Variants in KLHL40 observed in about 807,000 individuals in gnomAD.
The protein encoded by KLHL40 is kelch-like protein 40.
In KLHL40, 44 loss-of-function variants were observed where a neutral mutation model predicts 49.7. The ratio of observed to expected loss-of-function variants is 0.89; its 90% CI spans 0.70 to 1.14. KLHL40 has a LOEUF of 1.14. Ranked by LOEUF, KLHL40 falls within the 50% of genes most tolerant of loss-of-function variation. The pLI is 0.00. For synonymous variants in KLHL40, 409 were observed against 365.2 expected, an observed-to-expected ratio of 1.12 and a Z score of -1.37; for missense variants, 892 against 850.3, an observed-to-expected ratio of 1.05 and a Z score of -0.61.
At chr3:42,687,121 C>T (rs549151540) in intron 1 of KLHL40, among the ~76,000 whole-genome samples, 87 of 152,278 alleles carry the variant, frequency 5.7e-4, no homozygotes, top group African/African-American at 1.8e-3. Flanking sequence ...AGGCCAGGCC[C>T]GGAGCTCACA....
intron 4 of KLHL40, among the ~76,000 whole-genome samples, chr3:42,689,600 G>T (rs1028964641): frequency 1.3e-5 from 2 of 152,060 alleles, no homozygotes; most frequent in Admixed American, 1.3e-4. Context: ...GAGAGGGACT[G>T]TATCTCATCT....
rs375270697 is a variant in KLHL40 at position 42,688,924 on chromosome 3, C to T, written c.1477C>T (p.Leu493=). 4 of 1,614,184 alleles carry T rather than the reference C, an allele frequency of 2.5e-6. No homozygotes were observed. The South Asian group carries it at 3.3e-5, about 13-fold the overall frequency. ...YDPKKFEWKE[L]APMQTARSLF... Reference sequence around the variant, plus strand: ...CCCCAAGAAGTTTGAGTGGAAGGAGCTGGCACCCATGCAGACCGCCCGCTC... The same window carrying T: ...CCCCAAGAAGTTTGAGTGGAAGGAGTTGGCACCCATGCAGACCGCCCGCTC... The change falls in exon 4 of 6, where the codon CTG becomes TTG. Residue 493 remains leucine (L), a synonymous_variant. Coordinates refer to ENST00000287777, the MANE Select transcript of KLHL40 (RefSeq NM_152393.4). This position sits in a 1 kb window ranked among gnomAD's most constrained non-coding sequence, Gnocchi z 4.2.
Position 42,686,395 on chromosome 3 carries a change from T to C in KLHL40, c.777T>C (p.Asp259=), listed in dbSNP as rs1697274593. 6.2e-7 allele frequency: 1 copy of C among 1,613,256 alleles called. No individual in the cohort carries two copies. Among genetic ancestry groups the C allele is most frequent in the South Asian group, 1.1e-5 (1 of 91,078 alleles). Residue 259 remains aspartate, a synonymous_variant, in exon 1 of 6, where the codon GAT becomes GAC. Transcript: ENST00000287777. The part of the protein sequence containing the change: ...ELLRKVQMVK[D]AHEGRITTLR... The stretch of plus-strand genomic sequence containing the variant: ...TGCGCAAGGTGCAGATGGTGAAGGA[T>C]GCACACGAGGGCCGCATCACCACGC...
At position 42,688,123 on chromosome 3, in the gene KLHL40, C is replaced by G; in HGVS notation, c.1153-19C>G. Reference sequence around the variant, plus strand: ...TGGGGGAGTGGGGGGCGGTAGCTGACTGGACACCTGGCCTGCAGTTTGACC... The same window carrying G: ...TGGGGGAGTGGGGGGCGGTAGCTGAGTGGACACCTGGCCTGCAGTTTGACC... On this transcript the variant is annotated intron_variant, in intron 1 of 5. Coordinates refer to ENST00000287777, the MANE Select transcript of KLHL40 (RefSeq NM_152393.4). The surrounding 1 kb of genome is among the most constrained non-coding windows in gnomAD (Gnocchi z 4.2). The G allele has an allele frequency of 6.2e-7, 1 of 1,613,586 alleles. No homozygotes were observed. Among genetic ancestry groups the G allele is most frequent in the South Asian group, 1.1e-5 (1 of 91,066 alleles).
At chr3:42,689,137 C>T (rs1027756606) in intron 4 of KLHL40, 83 bp downstream of exon 4, 1 of 1,211,712 alleles carries the variant, frequency 8.3e-7, no homozygotes, top group African/African-American at 1.5e-5. Flanking sequence ...CAGTCCCTGT[C>T]TTGGGTCTCC....
At position 42,689,048 on chromosome 3, in the gene KLHL40, A is replaced by G. The variant is rs1697322389; in HGVS notation, c.1601A>G (p.Asp534Gly). 6.2e-7 allele frequency: 1 copy of G among 1,609,872 alleles called. No individual in the cohort carries two copies. The highest frequency in any genetic ancestry group is 8.5e-7 in the Non-Finnish European group (1 of 1,176,878). Residue 534 changes from aspartate to glycine, a missense_variant, in exon 4 of 6, where the codon GAC becomes GGC. Coordinates refer to ENST00000287777, the MANE Select transcript of KLHL40 (RefSeq NM_152393.4). ...TSSAEVYSIT[D>G]NKWAPFEAFP... ...TCTGCCGAAGTGTACAGCATCACAG[A>G]CAACAAGTATGAAAGCTTGTCCCTT...
At chr3:42,687,270 C>T (rs1175242180) in intron 1 of KLHL40, among the ~76,000 whole-genome samples, 2 of 152,184 alleles carry the variant, frequency 1.3e-5, no homozygotes, top group Non-Finnish European at 2.9e-5. Flanking sequence ...AGGGCAGAGA[C>T]AGTTTCCTGG....
At position 42,688,198 on chromosome 3, in the gene KLHL40, C is replaced by T. The variant is rs1281456682; in HGVS notation, c.1209C>T (p.Cys403=). 4 of 1,613,946 alleles carry T rather than the reference C, an allele frequency of 2.5e-6. No homozygotes were observed. Among genetic ancestry groups the T allele is most frequent in the Middle Eastern group, 1.6e-4 (1 of 6,062 alleles). ...TGCCACCGCTGCCCTCGCCCCGCTG[C>T]CTCTTTGGCCTGGGAGAAGCTCTCA... is the stretch of plus-strand genomic sequence containing the variant. ...LGMPPLPSPR[C]LFGLGEALNS... The change falls in exon 2 of 6, where the codon TGC becomes TGT. Residue 403 remains cysteine, a synonymous_variant. Coordinates refer to ENST00000287777, the MANE Select transcript of KLHL40 (RefSeq NM_152393.4). The surrounding 1 kb of genome is among the most constrained non-coding windows in gnomAD (Gnocchi z 4.2).
chr3:42,688,547 A>C lies in KLHL40; in HGVS notation c.1314-63A>C. On this transcript the variant is annotated intron_variant, in intron 2 of 5. Transcript: ENST00000287777. This position sits in a 1 kb window ranked among gnomAD's most constrained non-coding sequence, Gnocchi z 4.2. The stretch of plus-strand genomic sequence containing the variant: ...TAGGTGGATGGGCGGATGGGTGCAG[A>C]GACAGGGACTGAGCCGAGCCTGGAT... 1 of 1,251,716 alleles carries C rather than the reference A, an allele frequency of 8.0e-7. No individual in the cohort carries two copies. Among genetic ancestry groups the C allele is most frequent in the South Asian group, 1.2e-5 (1 of 82,014 alleles). The allele number at this position is 1,251,716 out of a possible 1,614,324, so 77.5% of individuals were successfully genotyped here.
chr3:42,688,807 T>C lies in KLHL40; in HGVS notation c.1422-62T>C, dbSNP rs373661932. 215 of 1,584,836 alleles carry C rather than the reference T, an allele frequency of 1.4e-4. 1 individual carries two copies. The East Asian group carries it at 3.7e-3, about 27-fold the overall frequency. On this transcript the variant is annotated intron_variant, in intron 3 of 5. Transcript: ENST00000287777. The surrounding 1 kb of genome is among the most constrained non-coding windows in gnomAD (Gnocchi z 4.2). Reference sequence around the variant, plus strand: ...TTGTCCTGGCTGCCCCGGCAGGTGATTGCAGGGAGGCGTGGCTGGGCTCCT... The same window carrying C: ...TTGTCCTGGCTGCCCCGGCAGGTGACTGCAGGGAGGCGTGGCTGGGCTCCT...
In KLHL40 at chr3:42,688,890, C is replaced by T. The variant is rs749572631; in HGVS notation, c.1443C>T (p.Cys481=). Residue 481 remains cysteine (C), a synonymous_variant, in exon 4 of 6, where the codon TGC becomes TGT. Transcript: ENST00000287777. The surrounding 1 kb of genome is among the most constrained non-coding windows in gnomAD (Gnocchi z 4.2). ...ACAGGAAGTGCCTGAACAAGATGTG[C>T]GTCTATGACCCCAAGAAGTTTGAGT... ...GSDRKCLNKM[C]VYDPKKFEWK... The T allele has an allele frequency of 2.9e-5, 46 of 1,613,868 alleles. No individual in the cohort carries two copies. The South Asian group carries it at 4.3e-4, about 15-fold the overall frequency.
chr3:42,686,262 G>C lies in KLHL40; in HGVS notation c.644G>C (p.Arg215Pro). ...GCCGAGGCGCAGGCTGAGCGCCAGC[G>C]CGCGCTGCCCACCGTCTTCGAGAGC... ...GDAEAQAERQ[R>P]ALPTVFESVR... The change falls in exon 1 of 6, where the codon CGC becomes CCC. Residue 215 changes from arginine to proline, a missense_variant. Coordinates refer to ENST00000287777, the MANE Select transcript of KLHL40 (RefSeq NM_152393.4). 1 of 1,556,540 alleles carries C rather than the reference G, an allele frequency of 6.4e-7. No homozygotes were observed. The highest frequency in any genetic ancestry group is 8.7e-7 in the Non-Finnish European group (1 of 1,151,812).
In KLHL40 at chr3:42,688,331, C is replaced by T; in HGVS notation, c.1313+29C>T. The T allele has an allele frequency of 6.2e-7, 1 of 1,612,082 alleles. No homozygotes were observed. ...AGCATGGCTGGGGTGGGGCTGAGCT[C>T]CGTGGGGGTGAGTGGGGCATGGAGG... On this transcript the variant is annotated intron_variant, in intron 2 of 5. Transcript: ENST00000287777. The surrounding 1 kb of genome is among the most constrained non-coding windows in gnomAD (Gnocchi z 4.2).
chr3:42,691,847 T>C (rs934431858), intron 5 of KLHL40, 35 bp from the exon 6 acceptor site: 1 of 1,389,876 alleles, frequency 7.2e-7, no homozygotes, highest in Middle Eastern at 1.8e-4. Flanking sequence ...CTGACCAAGC[T>C]CTCCATCCTT....
Position 42,692,386 on chromosome 3 carries a change from T to C in KLHL40, c.*393T>C. The stretch of plus-strand genomic sequence containing the variant: ...AAGTGCAGTGTACAGTGCAGATATG[T>C]CTCCTTCTTTAGGAAGAATAAAGTG... On this transcript the variant is annotated 3_prime_UTR_variant, in exon 6 of 6. Coordinates refer to ENST00000287777, the MANE Select transcript of KLHL40 (RefSeq NM_152393.4). 2.5e-6 allele frequency: 1 copy of C among 403,232 alleles called. No individual in the cohort carries two copies. Among genetic ancestry groups the C allele is most frequent in the Non-Finnish European group, 4.6e-6 (1 of 218,620 alleles). 25.0% of individuals were successfully genotyped at this position (403,232 alleles called of 1,614,324 possible).
chr3:42,686,141 G>C lies in KLHL40; in HGVS notation c.523G>C (p.Asp175His). The C allele has an allele frequency of 6.3e-7, 1 of 1,597,154 alleles. No individual in the cohort carries two copies. The highest frequency in any genetic ancestry group is 8.5e-7 in the Non-Finnish European group (1 of 1,177,242). The change falls in exon 1 of 6, where the codon GAC becomes CAC. Residue 175 changes from aspartate (D) to histidine (H), a missense_variant. Physicochemically the swap from Asp to His is moderately conservative, Grantham distance 81. Coordinates refer to ENST00000287777, the MANE Select transcript of KLHL40 (RefSeq NM_152393.4). ...CGCTGACTTCCTCGGACTCTCGGCC[G>C]ACGAGCTCATCGCCATCATCTCCAG... ...RDADFLGLSA[D>H]ELIAIISSDG...
chr3:42,688,641 C>T lies in KLHL40; in HGVS notation c.1345C>T (p.Pro449Ser), dbSNP rs1194342086. The change falls in exon 3 of 6, where the codon CCT becomes TCT. Residue 449 changes from proline to serine, a missense_variant. Pro to Ser is a moderately conservative substitution (Grantham distance 74). Transcript: ENST00000287777. The surrounding 1 kb of genome is among the most constrained non-coding windows in gnomAD (Gnocchi z 4.2). Reference protein sequence around the residue: ...SFKWGESDPLPYVVYGHTVLS... With the variant: ...SFKWGESDPLSYVVYGHTVLS... ...CAAATGGGGTGAATCGGACCCGCTG[C>T]CTTACGTGGTGTATGGCCACACAGT... 1.5e-5 allele frequency: 24 copies of T among 1,613,894 alleles called. No homozygotes were observed. Among genetic ancestry groups the T allele is most frequent in the Non-Finnish European group, 1.7e-5 (20 of 1,180,014 alleles).
intron 4 of KLHL40, 91 bp downstream of exon 4, chr3:42,689,145 T>A: frequency 8.8e-7 from 1 of 1,132,860 alleles, no homozygotes; most frequent in Non-Finnish European, 1.3e-6. Flanking sequence ...GTCTTGGGTC[T>A]CCAGTGTTGA....
Position 42,686,268 on chromosome 3 carries a change from T to G in KLHL40, c.650T>G (p.Leu217Arg). The change falls in exon 1 of 6, where the codon CTG (leucine) becomes CGG (arginine). Residue 217 changes from leucine to arginine, a missense_variant. Leu to Arg is a moderately radical substitution (Grantham distance 102). Coordinates refer to ENST00000287777, the MANE Select transcript of KLHL40 (RefSeq NM_152393.4). ...GCGCAGGCTGAGCGCCAGCGCGCGC[T>G]GCCCACCGTCTTCGAGAGCGTGCGC... is the stretch of plus-strand genomic sequence containing the variant. ...AEAQAERQRA[L>R]PTVFESVRCR... 1 of 1,559,826 alleles carries G rather than the reference T, an allele frequency of 6.4e-7. No homozygotes were observed. The highest frequency in any genetic ancestry group is 8.7e-7 in the Non-Finnish European group (1 of 1,152,910).
Sources: gnomAD v4.1 joint callset for allele counts (sites outside exome capture counted in the v4.1 genomes callset) on GRCh38, gnomAD v4.1.1 for gene constraint, Gnocchi (gnomAD v3.1) non-coding constraint, MANE v1.5 for transcripts, NCBI Gene and HGNC (gene_info 2026-07-23, HGNC 2026-07-21) for gene names.